TXNL4A: variants seen among roughly 807,000 people sequenced by gnomAD.
TXNL4A encodes thioredoxin like 4A.
TXNL4A carries 17 observed loss-of-function variants against 14.6 expected under a neutral mutation model. The ratio of observed to expected loss-of-function variants is 1.16; its 90% CI spans 0.80 to 1.74. TXNL4A has a LOEUF of 1.74. Among genes scored for constraint, TXNL4A ranks in the 40% most tolerant of loss-of-function variants. The pLI is 0.00. For missense variants in TXNL4A, 74 were observed against 195.2 expected, an observed-to-expected ratio of 0.38 and a Z score of 3.70; for synonymous variants, 83 against 70.6, an observed-to-expected ratio of 1.18 and a Z score of -0.88.
intron 1 of TXNL4A, among the ~76,000 whole-genome samples, chr18:80,006,802 G>A (rs2051734361): frequency 6.6e-6 from 1 of 152,148 alleles, no homozygotes; most frequent in African/African-American, 2.4e-5. Context: ...TTGAGAAGGT[G>A]GTGTCTGATT....
At chr18:80,024,559 A>C (rs978889441) in intron 1 of TXNL4A, among the ~76,000 whole-genome samples, 4 of 152,122 alleles carry the variant, frequency 2.6e-5, no homozygotes, top group African/African-American at 9.7e-5. Flanking sequence ...ATGACTGTGG[A>C]ATCTTCCATG....
intron 1 of TXNL4A, among the ~76,000 whole-genome samples, chr18:80,024,880 T>C (rs2051874380): frequency 6.6e-6 from 1 of 152,128 alleles, no homozygotes. Flanking sequence ...GGGTCCGACA[T>C]ATGTCCCGAC....
At chr18:80,007,341 G>T (rs1219242726) in intron 1 of TXNL4A, among the ~76,000 whole-genome samples, 1 of 152,186 alleles carries the variant, frequency 6.6e-6, no homozygotes, top group Non-Finnish European at 1.5e-5. Flanking sequence ...CAACACTAAA[G>T]ATTTCATATG....
chr18:80,020,107 G>A (rs1000691872), intron 1 of TXNL4A, among the ~76,000 whole-genome samples: 1 of 152,204 alleles, frequency 6.6e-6, no homozygotes, highest in African/African-American at 2.4e-5. Flanking sequence ...CAGGAAATCT[G>A]ATGGCTTTAA....
intron 1 of TXNL4A, among the ~76,000 whole-genome samples, chr18:79,978,214 G>A (rs1337477982): frequency 2.0e-5 from 3 of 152,056 alleles, no homozygotes; most frequent in Non-Finnish European, 2.9e-5. Flanking sequence ...AACGTCCACA[G>A]ACATATTATT....
At chr18:80,024,417 A>G (rs969503066) in intron 1 of TXNL4A, among the ~76,000 whole-genome samples, 25 of 152,132 alleles carry the variant, frequency 1.6e-4, no homozygotes, top group African/African-American at 5.3e-4. Flanking sequence ...TAGAAATCGT[A>G]TATTTTGTGT....
intron 2 of TXNL4A, among the ~76,000 whole-genome samples, chr18:79,974,623 C>A (rs2051350951): frequency 6.6e-6 from 1 of 152,146 alleles, no homozygotes; most frequent in African/African-American, 2.4e-5. Context: ...GGACCACAGG[C>A]ACGAGCCACC....
In TXNL4A at chr18:79,974,757, A is replaced by C. The variant is rs1342831835; in HGVS notation, c.258-901T>G. On this transcript the variant is annotated intron_variant, in intron 2 of 2. Transcript: ENST00000269601. Reference sequence around the variant, plus strand: ...GCCTCCCAAAGTGCTGGGATTACAAACGTGAGCCACTGTGCCGGCCTGATT... The same window carrying C: ...GCCTCCCAAAGTGCTGGGATTACAACCGTGAGCCACTGTGCCGGCCTGATT... Among the ~76,000 whole-genome samples the C allele has an allele frequency of 5.3e-5, 8 of 152,154 alleles. No homozygotes were observed. In the East Asian group the frequency reaches 1.5e-3, roughly 29 times the overall value.
intron 1 of TXNL4A, among the ~76,000 whole-genome samples, chr18:80,008,117 A>T (rs1366440460): frequency 6.6e-6 from 1 of 151,844 alleles, no homozygotes; most frequent in Non-Finnish European, 1.5e-5. Context: ...GCACCTCTGC[A>T]CTCCAGCCTG....
intron 1 of TXNL4A, among the ~76,000 whole-genome samples, chr18:80,022,920 T>C (rs914380474): frequency 2.6e-5 from 4 of 152,176 alleles, no homozygotes; most frequent in Non-Finnish European, 5.9e-5. Context: ...TCCACCCTGT[T>C]GGATTCTTAG....
At chr18:79,976,131 C>G (rs1473504761) in intron 2 of TXNL4A, among the ~76,000 whole-genome samples, 1 of 152,210 alleles carries the variant, frequency 6.6e-6, no homozygotes, top group East Asian at 1.9e-4. Context: ...CACGGCAGTG[C>G]CTCACGCTTT....
At chr18:79,998,340 G>A (rs1324176518) in intron 1 of TXNL4A, among the ~76,000 whole-genome samples, 1 of 151,840 alleles carries the variant, frequency 6.6e-6, no homozygotes, top group Admixed American at 6.6e-5. Context: ...CTTCCTTATG[G>A]CTCAACCTCT....
chr18:80,016,844 G>A (rs1481254460), intron 1 of TXNL4A, among the ~76,000 whole-genome samples: 141 of 149,630 alleles, frequency 9.4e-4, no homozygotes, highest in African/African-American at 3.3e-3. Context: ...TTGGCGATGC[G>A]GGCTCTTTTT....
intron 2 of TXNL4A, among the ~76,000 whole-genome samples, chr18:79,974,452 A>C (rs2051348807): frequency 6.6e-6 from 1 of 152,224 alleles, no homozygotes; most frequent in South Asian, 2.1e-4. Flanking sequence ...GCACTTTACA[A>C]GATAAGGATA....
intron 1 of TXNL4A, among the ~76,000 whole-genome samples, chr18:79,981,443 G>C (rs527303309): frequency 1.6e-4 from 24 of 152,154 alleles, no homozygotes; most frequent in African/African-American, 5.3e-4. Flanking sequence ...AGGCTGAGGC[G>C]GGCGGATCAC....
chr18:80,024,264 C>G (rs956632112), intron 1 of TXNL4A, among the ~76,000 whole-genome samples: 34 of 151,922 alleles, frequency 2.2e-4, no homozygotes, highest in African/African-American at 8.0e-4. Flanking sequence ...TCTGTTTTTG[C>G]ATTGGCAGAG....
chr18:80,030,593 A>G (rs1166952661), intron 1 of TXNL4A: 1 of 152,218 alleles, frequency 6.6e-6, no homozygotes, highest in Non-Finnish European at 1.5e-5. Context: ...TAGAATACCA[A>G]AAATTTATTA....
chr18:79,985,120 T>TG (rs1315641358), intron 1 of TXNL4A, among the ~76,000 whole-genome samples: 2 of 150,044 alleles, frequency 1.3e-5, no homozygotes, highest in African/African-American at 2.5e-5. Flanking sequence ...TCTCCTGTGA[T>TG]GGTGTTCCTA....
intron 1 of TXNL4A, chr18:80,030,452 G>A (rs1036039415): frequency 6.6e-6 from 1 of 152,158 alleles, no homozygotes; most frequent in African/African-American, 2.4e-5. Flanking sequence ...AAACAAACCT[G>A]TTTCTACAAT....
Sources: allele counts gnomAD v4.1 joint callset (sites outside exome capture counted in the v4.1 genomes callset), GRCh38; gene constraint gnomAD v4.1.1; transcripts MANE v1.5; gene names NCBI Gene and HGNC (gene_info 2026-07-23, HGNC 2026-07-21).